Variants in SESN3 observed in about 807,000 individuals in gnomAD.
The protein encoded by SESN3 is sestrin 3.
In SESN3, 21 loss-of-function variants were observed where a neutral mutation model predicts 55.3. The ratio of observed to expected loss-of-function variants is 0.38; its 90% CI spans 0.27 to 0.55. SESN3 has a LOEUF of 0.55. Among genes scored for constraint, SESN3 ranks in the 20% least tolerant of loss-of-function variants. The pLI, the probability that SESN3 is intolerant of heterozygous loss-of-function variation, is 0.76. For synonymous variants in SESN3, 181 were observed against 203.1 expected (o/e 0.89, Z 0.93); for missense variants, 408 against 604.3 (o/e 0.68, Z 3.41).
In SESN3 at chr11:95,167,895, C is replaced by T. The variant is rs1320614801; in HGVS notation, c.*5360G>A. The T allele has an allele frequency of 6.6e-6, 1 of 152,116 alleles. No homozygotes were observed. Among genetic ancestry groups the T allele is most frequent in the Non-Finnish European group, 1.5e-5 (1 of 68,012 alleles). 9.4% of individuals were successfully genotyped at this position (152,116 alleles called of 1,614,324 possible). ...GCATTTCCTCTTCCTTCTGGATATA[C>T]CCGAAGTGCGGCTAGGAGAATAAAG... is the stretch of plus-strand genomic sequence containing the variant. On this transcript the variant is annotated 3_prime_UTR_variant, in exon 10 of 10. Coordinates refer to ENST00000536441, the MANE Select transcript of SESN3 (RefSeq NM_144665.4).
chr11:95,223,764 G>A (rs1444254928), intron 1 of SESN3, among the ~76,000 whole-genome samples: 1 of 139,338 alleles, frequency 7.2e-6, no homozygotes, highest in Non-Finnish European at 1.5e-5. Context: ...CTCTGGCTCA[G>A]TAGTTCGTAA....
intron 1 of SESN3, among the ~76,000 whole-genome samples, chr11:95,225,299 C>G (rs970780534): frequency 6.6e-6 from 1 of 152,150 alleles, no homozygotes; most frequent in Non-Finnish European, 1.5e-5. Context: ...ATCCAAGGAC[C>G]ATACTTTGAG....
chr11:95,227,978 G>A (rs149200500), intron 1 of SESN3, among the ~76,000 whole-genome samples: 32 of 152,182 alleles, frequency 2.1e-4, no homozygotes, highest in African/African-American at 7.2e-4. Flanking sequence ...TAAGAGTTAG[G>A]GATTTCAGGA....
At chr11:95,225,733 G>A (rs913119794) in intron 1 of SESN3, among the ~76,000 whole-genome samples, 2 of 152,022 alleles carry the variant, frequency 1.3e-5, no homozygotes, top group Non-Finnish European at 2.9e-5. Context: ...TATTTCAAAG[G>A]AAGAAAATGA....
intron 1 of SESN3, among the ~76,000 whole-genome samples, chr11:95,212,564 T>C (rs1306300405): frequency 1.3e-5 from 2 of 152,176 alleles, no homozygotes; most frequent in Non-Finnish European, 2.9e-5. Flanking sequence ...GTAAGTTTTA[T>C]TATCTACCAT....
At chr11:95,176,074 G>A (rs1565461941) in intron 8 of SESN3, among the ~76,000 whole-genome samples, 2 of 152,176 alleles carry the variant, frequency 1.3e-5, no homozygotes, top group African/African-American at 4.8e-5. Context: ...AGGACTTGAG[G>A]TAGGAGTCAA....
intron 1 of SESN3, among the ~76,000 whole-genome samples, chr11:95,200,259 C>T (rs754599172): frequency 2.4e-4 from 36 of 152,006 alleles, no homozygotes; most frequent in Non-Finnish European, 3.5e-4. Flanking sequence ...TGAATTATAA[C>T]GGATTGGTAC....
chr11:95,187,698 A>G (rs1047388417), intron 4 of SESN3, among the ~76,000 whole-genome samples: 1 of 151,758 alleles, frequency 6.6e-6, no homozygotes, highest in Admixed American at 6.6e-5. Context: ...CTTGTACAGT[A>G]TCTCCTTGGA....
chr11:95,197,036 C>T (rs887286929), intron 1 of SESN3, among the ~76,000 whole-genome samples: 24 of 152,178 alleles, frequency 1.6e-4, no homozygotes, highest in African/African-American at 5.8e-4. Context: ...GGACCCTTGT[C>T]TCAATTTCTG....
chr11:95,192,336 T>TA (rs1274518567), intron 2 of SESN3, among the ~76,000 whole-genome samples: 22 of 152,218 alleles, frequency 1.4e-4, no homozygotes, highest in African/African-American at 4.3e-4. Flanking sequence ...CTGAAGGTGT[T>TA]AAGAGTTTAT....
At chr11:95,205,169 T>A (rs532239999) in intron 1 of SESN3, among the ~76,000 whole-genome samples, 91 of 152,348 alleles carry the variant, frequency 6.0e-4, no homozygotes, top group African/African-American at 2.2e-3. Flanking sequence ...TTGTTCTACA[T>A]GATTCCTGAA....
Position 95,172,667 on chromosome 11 carries a change from T to C in SESN3, c.*588A>G, listed in dbSNP as rs1565460598. On this transcript the variant is annotated 3_prime_UTR_variant, in exon 10 of 10. Transcript: ENST00000536441. ...ATCGCCAATAGCAGTAAAACAACAA[T>C]AAATGAACAAACAAACAAATAAAAA... 1 of 152,084 alleles carries C rather than the reference T, an allele frequency of 6.6e-6. No individual in the cohort carries two copies. The highest frequency in any genetic ancestry group is 1.5e-5 in the Non-Finnish European group (1 of 67,998). The allele number at this position is 152,084 out of a possible 1,614,324, so 9.4% of individuals were successfully genotyped here.
At chr11:95,223,394 A>G (rs914004091) in intron 1 of SESN3, among the ~76,000 whole-genome samples, 2 of 152,318 alleles carry the variant, frequency 1.3e-5, no homozygotes, top group Non-Finnish European at 2.9e-5. Context: ...CCTTGTAGCC[A>G]AGAACCAATC....
At chr11:95,191,959 T>C (rs1860277502) in intron 2 of SESN3, among the ~76,000 whole-genome samples, 1 of 152,200 alleles carries the variant, frequency 6.6e-6, no homozygotes, top group Middle Eastern at 3.4e-3. Flanking sequence ...CAGTAGCATC[T>C]GATTACATAC....
Position 95,184,530 on chromosome 11 carries a change from C to T in SESN3, c.827G>A (p.Arg276Lys), listed in dbSNP as rs1860127025. The change falls in exon 6 of 10, where the codon AGG (arginine) becomes AAG (lysine). Residue 276 changes from arginine to lysine, a missense_variant. Around this residue, in one of 4 missense-constraint regions of SESN3, gnomAD observed 119 missense variants for 139.9 expected, o/e 0.85. Transcript: ENST00000536441. ...MERMKRLQEEREDEEASQEEM... is the reference protein window; with the variant it reads ...MERMKRLQEEKEDEEASQEEM... ...TTCTTGAGACGCCTCTTCATCTTCCCTTTCTTCTTGAAGTCTTTTCATCCT... is the reference window on the plus strand; with the variant it reads ...TTCTTGAGACGCCTCTTCATCTTCCTTTTCTTCTTGAAGTCTTTTCATCCT... 2 of 1,613,574 alleles carry T rather than the reference C, an allele frequency of 1.2e-6. No homozygotes were observed. Among genetic ancestry groups the T allele is most frequent in the Non-Finnish European group, 1.7e-6 (2 of 1,179,712 alleles).
At chr11:95,183,179 A>T (rs1860087709) in intron 6 of SESN3, among the ~76,000 whole-genome samples, 1 of 152,156 alleles carries the variant, frequency 6.6e-6, no homozygotes, top group African/African-American at 2.4e-5. Context: ...TCAGGTACTC[A>T]GTAAGTGTTT....
intron 1 of SESN3, among the ~76,000 whole-genome samples, chr11:95,218,852 C>A (rs1009365138): frequency 2.0e-5 from 3 of 152,114 alleles, no homozygotes; most frequent in Non-Finnish European, 2.9e-5. Context: ...TGGGGTTTTA[C>A]CGTGTTAGCC....
At chr11:95,206,761 A>T (rs1225382669) in intron 1 of SESN3, among the ~76,000 whole-genome samples, 1 of 152,030 alleles carries the variant, frequency 6.6e-6, no homozygotes, top group Non-Finnish European at 1.5e-5. Context: ...TTTTTCAGTT[A>T]ACTCAAAATA....
At chr11:95,176,246 T>C (rs928913896) in intron 8 of SESN3, among the ~76,000 whole-genome samples, 4 of 152,126 alleles carry the variant, frequency 2.6e-5, no homozygotes, top group African/African-American at 9.7e-5. Context: ...ATACTGTGAA[T>C]AGGTTCAAGA....
Sources: allele counts gnomAD v4.1 joint callset (sites outside exome capture counted in the v4.1 genomes callset), GRCh38; gene constraint gnomAD v4.1.1; regional missense constraint gnomAD v4.1.1; transcripts MANE v1.5; gene names NCBI Gene and HGNC (gene_info 2026-07-23, HGNC 2026-07-21).